Variants in ASRGL1 observed in about 807,000 individuals in gnomAD.
ASRGL1 encodes isoaspartyl peptidase/L-asparaginase.
In ASRGL1, 16 loss-of-function variants were observed where a neutral mutation model predicts 22.4. The observed-to-expected ratio is 0.71, with a 90% CI of 0.48 to 1.08. The LOEUF is 1.08. Ranked by LOEUF, ASRGL1 falls within the 50% of genes least tolerant of loss-of-function variation. The pLI is 0.00. For missense variants in ASRGL1, 412 were observed against 410.1 expected (o/e 1.00, Z -0.04); for synonymous variants, 165 against 159.3 (o/e 1.04, Z -0.27).
At chr11:62,348,192 G>A (rs888291595) in intron 2 of ASRGL1, among the ~76,000 whole-genome samples, 2 of 152,168 alleles carry the variant, frequency 1.3e-5, no homozygotes, top group African/African-American at 4.8e-5. Flanking sequence ...TATTGTAACT[G>A]CCCAAGGGGT....
intron 5 of ASRGL1, 120 bp from the exon 6 acceptor site, chr11:62,391,402 C>T (rs561166679): frequency 2.1e-6 from 3 of 1,397,638 alleles, no homozygotes; most frequent in African/African-American, 1.4e-5. Flanking sequence ...GGCTACTAAC[C>T]TGACCTTTGT....
intron 4 of ASRGL1, among the ~76,000 whole-genome samples, chr11:62,378,494 T>G (rs1423987179): frequency 6.6e-6 from 1 of 152,094 alleles, no homozygotes; most frequent in African/African-American, 2.4e-5. Flanking sequence ...ATGGCTGGTA[T>G]AGTAAAGGCA....
At chr11:62,365,182 A>T (rs532859967) in intron 4 of ASRGL1, among the ~76,000 whole-genome samples, 1 of 152,272 alleles carries the variant, frequency 6.6e-6, no homozygotes, top group South Asian at 2.1e-4. Flanking sequence ...AATTACTGTT[A>T]TGTAGCATGC....
At chr11:62,351,899 C>T (rs762225808) in intron 2 of ASRGL1, among the ~76,000 whole-genome samples, 6 of 152,134 alleles carry the variant, frequency 3.9e-5, no homozygotes, top group Non-Finnish European at 7.4e-5. Flanking sequence ...GTCTCAAACT[C>T]ATGGGCTCAA....
At chr11:62,339,500 CATT>C (rs1204236529) in intron 2 of ASRGL1, among the ~76,000 whole-genome samples, 2 of 152,170 alleles carry the variant, frequency 1.3e-5, no homozygotes, top group Non-Finnish European at 2.9e-5. Context: ...GAATACTAAT[CATT>C]ATAGCTAATA....
At position 62,392,924 on chromosome 11, in the gene ASRGL1, T is replaced by C. The variant is rs1282847329; in HGVS notation, c.*640T>C. ...TTCCAAAGGACCCTCTGGGAATCCA[T>C]AGCTTCCTAATCTGGAGATGGGAGG... On this transcript the variant is annotated 3_prime_UTR_variant, in exon 7 of 7. Coordinates refer to ENST00000415229, the MANE Select transcript of ASRGL1 (RefSeq NM_001083926.2). 6.5e-6 allele frequency: 1 copy of C among 153,006 alleles called. No individual in the cohort carries two copies. Among genetic ancestry groups the C allele is most frequent in the Non-Finnish European group, 1.5e-5 (1 of 68,622 alleles). 9.5% of individuals were successfully genotyped at this position (153,006 alleles called of 1,614,324 possible).
intron 4 of ASRGL1, among the ~76,000 whole-genome samples, chr11:62,380,290 T>C (rs557102532): frequency 6.6e-6 from 1 of 152,154 alleles, no homozygotes; most frequent in East Asian, 1.9e-4. Context: ...ACTATGACCT[T>C]ACGGGCATTT....
chr11:62,399,141 G>A, the ASRGL1 span, among the ~76,000 whole-genome samples: 4 of 152,154 alleles, frequency 2.6e-5, no homozygotes, highest in South Asian at 2.1e-4. Flanking sequence ...GCTTGAACCC[G>A]GGAGGCAGAG....
At chr11:62,338,331 CAAACGCTAAAATATTTGTAGAGATTT>C in intron 2 of ASRGL1, 164 bp downstream of exon 2, 1 of 788,668 alleles carries the variant, frequency 1.3e-6, no homozygotes. Context: ...TGAAAAGAGT[CAAACGCTAAAATATTTGTAGAGATTT>C]ATACTGAGGC....
intron 2 of ASRGL1, among the ~76,000 whole-genome samples, chr11:62,343,709 C>T (rs1945930414): frequency 1.1e-5 from 1 of 89,766 alleles, no homozygotes; most frequent in East Asian, 3.5e-4. Flanking sequence ...GTCTGGGCAA[C>T]AAAGCAAGAC....
chr11:62,359,358 A>G (rs1946379192), intron 4 of ASRGL1, among the ~76,000 whole-genome samples: 1 of 152,136 alleles, frequency 6.6e-6, no homozygotes, highest in African/African-American at 2.4e-5. Context: ...AGGCAGGAGA[A>G]TCGCTTGAAC....
chr11:62,381,590 C>CT (rs1565172412), intron 4 of ASRGL1, among the ~76,000 whole-genome samples: 1 of 152,104 alleles, frequency 6.6e-6, no homozygotes, highest in Non-Finnish European at 1.5e-5. Context: ...TTCCTACTTG[C>CT]TTGTTTTAAT....
intron 4 of ASRGL1, among the ~76,000 whole-genome samples, chr11:62,386,893 A>G (rs1434101717): frequency 6.9e-6 from 1 of 143,888 alleles, no homozygotes; most frequent in African/African-American, 2.6e-5. Flanking sequence ...GGAAAGAATG[A>G]TTTTTTTTTT....
intron 4 of ASRGL1, among the ~76,000 whole-genome samples, chr11:62,369,056 G>C (rs111721652): frequency 6.6e-6 from 1 of 152,198 alleles, no homozygotes; most frequent in African/African-American, 2.4e-5. Flanking sequence ...GCTGGGGGAC[G>C]GTCAGGTCTT....
At chr11:62,359,943 T>C (rs1946393501) in intron 4 of ASRGL1, among the ~76,000 whole-genome samples, 1 of 151,976 alleles carries the variant, frequency 6.6e-6, no homozygotes, top group South Asian at 2.1e-4. Flanking sequence ...AAAAATTTTG[T>C]ATATTTTACA....
At chr11:62,384,368 G>T (rs191414423) in intron 4 of ASRGL1, among the ~76,000 whole-genome samples, 113 of 152,194 alleles carry the variant, frequency 7.4e-4, no homozygotes, top group East Asian at 7.2e-3. Flanking sequence ...AGCTGGGTGT[G>T]GTGGTACACG....
At chr11:62,361,017 A>G (rs139737592) in intron 4 of ASRGL1, among the ~76,000 whole-genome samples, 14 of 152,306 alleles carry the variant, frequency 9.2e-5, no homozygotes, top group Admixed American at 5.2e-4. Flanking sequence ...AGTAAAAGAG[A>G]TTTCAAAATT....
At chr11:62,348,939 C>A (rs972626148) in intron 2 of ASRGL1, among the ~76,000 whole-genome samples, 13 of 151,592 alleles carry the variant, frequency 8.6e-5, no homozygotes, top group Admixed American at 4.0e-4. Flanking sequence ...CTCTTCTCCC[C>A]CAGCTTGATG....
chr11:62,392,403 T>G lies in ASRGL1; in HGVS notation c.*119T>G. The G allele has an allele frequency of 2.4e-6, 3 of 1,233,674 alleles. No individual in the cohort carries two copies. The highest frequency in any genetic ancestry group is 1.4e-5 in the South Asian group (1 of 72,080). 76.4% of individuals were successfully genotyped at this position (1,233,674 alleles called of 1,614,324 possible). ...AAATTGTCCCGTCTGTCACTTGTTT[T>G]GTTGCCTTAATAAGCATCTGAATGT... On this transcript the variant is annotated 3_prime_UTR_variant, in exon 7 of 7. Coordinates refer to ENST00000415229, the MANE Select transcript of ASRGL1 (RefSeq NM_001083926.2).
Sources: gnomAD v4.1 joint callset for allele counts (sites outside exome capture counted in the v4.1 genomes callset) on GRCh38, gnomAD v4.1.1 for gene constraint, MANE v1.5 for transcripts, NCBI Gene and HGNC (gene_info 2026-07-23, HGNC 2026-07-21) for gene names.